The following KCNH5 variants were observed in gnomAD, a reference collection of about 807,000 sequenced individuals.
The protein encoded by KCNH5 is potassium voltage-gated channel subfamily H member 5.
A neutral mutation model predicts 96.1 loss-of-function variants in KCNH5; 46 were observed. That is an observed-to-expected ratio of 0.48 (90% confidence interval 0.38 to 0.61). KCNH5 has a LOEUF of 0.61. KCNH5 is among the 20% of genes least tolerant of loss of function. The pLI is 0.00. For missense variants in KCNH5, 907 were observed against 1,225.8 expected, an observed-to-expected ratio of 0.74 and a Z score of 3.88; for synonymous variants, 439 against 449.8, an observed-to-expected ratio of 0.98 and a Z score of 0.30.
intron 8 of KCNH5, among the ~76,000 whole-genome samples, chr14:62,816,009 T>A (rs1886970354): frequency 2.0e-5 from 3 of 151,912 alleles, no homozygotes; most frequent in Admixed American, 2.0e-4. Context: ...TGAGAGTTGA[T>A]GATATAAAAG....
At chr14:63,023,393 T>A (rs1891466110) in intron 1 of KCNH5, among the ~76,000 whole-genome samples, 1 of 152,130 alleles carries the variant, frequency 6.6e-6, no homozygotes, top group South Asian at 2.1e-4. Context: ...TTTGCAGGGT[T>A]CTCTTTTTAT....
At chr14:62,849,191 G>A (rs975783582) in intron 8 of KCNH5, among the ~76,000 whole-genome samples, 2 of 152,140 alleles carry the variant, frequency 1.3e-5, no homozygotes, top group Non-Finnish European at 2.9e-5. Context: ...TAAAACATAT[G>A]AGACAGGAGA....
intron 10 of KCNH5, among the ~76,000 whole-genome samples, chr14:62,770,200 G>C (rs1021294074): frequency 2.0e-5 from 3 of 152,198 alleles, no homozygotes; most frequent in Non-Finnish European, 4.4e-5. Context: ...GATGCAATCT[G>C]CGACACATGT....
chr14:62,971,730 A>T (rs1440519187), intron 6 of KCNH5, among the ~76,000 whole-genome samples: 1 of 152,146 alleles, frequency 6.6e-6, no homozygotes, highest in East Asian at 1.9e-4. Context: ...TCTTAGACAA[A>T]GGCAAAAAGG....
At chr14:62,945,422 A>C (rs917090327) in intron 7 of KCNH5, among the ~76,000 whole-genome samples, 3 of 152,152 alleles carry the variant, frequency 2.0e-5, no homozygotes, top group African/African-American at 7.2e-5. Flanking sequence ...GGATGGATTC[A>C]AGGACAGAAG....
chr14:62,828,123 A>G (rs1262976300), intron 8 of KCNH5, among the ~76,000 whole-genome samples: 1 of 151,840 alleles, frequency 6.6e-6, no homozygotes, highest in Non-Finnish European at 1.5e-5. Context: ...ATCAGCCCCT[A>G]TATTTCTATT....
chr14:62,890,693 C>T (rs1306832687), intron 7 of KCNH5, among the ~76,000 whole-genome samples: 34 of 117,856 alleles, frequency 2.9e-4, no homozygotes, highest in Admixed American at 1.1e-3. Flanking sequence ...AGCGAGACTC[C>T]GTCTCAAAAA....
Position 62,851,929 on chromosome 14 carries a change from C to T in KCNH5, c.1370-2077G>A, listed in dbSNP as rs188908185. ...ATGTACACACAAAATATATTCTGCTCATATAAAAGTTTAAGATAAAATATG... is the reference window on the plus strand; with the variant it reads ...ATGTACACACAAAATATATTCTGCTTATATAAAAGTTTAAGATAAAATATG... On this transcript the variant is annotated intron_variant, in intron 7 of 10. Coordinates refer to ENST00000322893, the MANE Select transcript of KCNH5 (RefSeq NM_139318.5). Among the ~76,000 whole-genome samples, 107 of 152,160 alleles carry T rather than the reference C, an allele frequency of 7.0e-4. 1 individual carries two copies. The highest frequency in any genetic ancestry group is 5.1e-3 in the Admixed American group (78 of 15,304).
intron 6 of KCNH5, among the ~76,000 whole-genome samples, chr14:62,952,400 T>C (rs1890024324): frequency 6.6e-6 from 1 of 152,124 alleles, no homozygotes; most frequent in African/African-American, 2.4e-5. Flanking sequence ...CAACAAGTAA[T>C]ACAAAAATAA....
At chr14:62,709,376 T>C in intron 10 of KCNH5, among the ~76,000 whole-genome samples, 1 of 152,170 alleles carries the variant, frequency 6.6e-6, no homozygotes, top group East Asian at 1.9e-4. Flanking sequence ...AATTGATTTA[T>C]GCGACCCTAG....
At chr14:62,988,773 A>G (rs921887872) in intron 4 of KCNH5, among the ~76,000 whole-genome samples, 5 of 152,224 alleles carry the variant, frequency 3.3e-5, no homozygotes, top group African/African-American at 1.2e-4. Context: ...TGCAATCTCT[A>G]TGACAAATTG....
rs1029718662 is a variant in KCNH5, at chr14:62,864,094, A to T, written c.1370-14242T>A. Among the ~76,000 whole-genome samples the T allele has an allele frequency of 2.0e-5, 3 of 152,156 alleles. No homozygotes were observed. The South Asian group carries it at 6.2e-4, about 31-fold the overall frequency. ...ACCAAGAGGCAAAATTCCTAGAAAC[A>T]TGACTAAGGGGATGCTTACAAAATG... On this transcript the variant is annotated intron_variant, in intron 7 of 10. Transcript: ENST00000322893.
intron 7 of KCNH5, among the ~76,000 whole-genome samples, chr14:62,920,837 A>G (rs1889368221): frequency 6.6e-6 from 1 of 152,204 alleles, no homozygotes; most frequent in Non-Finnish European, 1.5e-5. Context: ...AGAGATATAC[A>G]TATTACCAAA....
intron 7 of KCNH5, among the ~76,000 whole-genome samples, chr14:62,938,981 C>T (rs1889737033): frequency 6.6e-6 from 1 of 152,176 alleles, no homozygotes; most frequent in Non-Finnish European, 1.5e-5. Context: ...AAAATTACTG[C>T]ATCAGCATAA....
chr14:62,901,209 T>C (rs961332856), intron 7 of KCNH5, among the ~76,000 whole-genome samples: 5 of 152,318 alleles, frequency 3.3e-5, no homozygotes, highest in Admixed American at 2.0e-4. Context: ...GTTTTTTATT[T>C]ATTTTCATTT....
At chr14:62,910,839 T>G (rs1889135108) in intron 7 of KCNH5, among the ~76,000 whole-genome samples, 1 of 150,832 alleles carries the variant, frequency 6.6e-6, no homozygotes, top group African/African-American at 2.4e-5. Flanking sequence ...TTTCCCTGAT[T>G]CAAATGTTAC....
At position 62,984,277 on chromosome 14, in the gene KCNH5, C is replaced by T. The variant is rs116127682; in HGVS notation, c.549+2795G>A. Among the ~76,000 whole-genome samples the T allele has an allele frequency of 5.4e-3, 814 of 152,112 alleles. 7 individuals carry two copies. Among genetic ancestry groups the T allele is most frequent in the African/African-American group, 0.018 (742 of 41,494 alleles). On this transcript the variant is annotated intron_variant, in intron 5 of 10. Coordinates refer to ENST00000322893, the MANE Select transcript of KCNH5 (RefSeq NM_139318.5). ...AGGCCCACTGACTGATGTGGCAGGG[C>T]GTATATATTTATCTCTACCCAACAT...
intron 7 of KCNH5, among the ~76,000 whole-genome samples, chr14:62,914,726 C>T (rs1424722470): frequency 6.6e-6 from 1 of 152,172 alleles, no homozygotes; most frequent in East Asian, 1.9e-4. Context: ...TCACTGGTAC[C>T]ATGATCTTGG....
chr14:62,912,446 G>A (rs958400264), intron 7 of KCNH5, among the ~76,000 whole-genome samples: 17 of 146,552 alleles, frequency 1.2e-4, no homozygotes, highest in Admixed American at 4.8e-4. Context: ...CGCTTTTTTC[G>A]CCCTGGATGG....
Sources: gnomAD v4.1 joint callset for allele counts (sites outside exome capture counted in the v4.1 genomes callset) on GRCh38, gnomAD v4.1.1 for gene constraint, MANE v1.5 for transcripts, NCBI Gene and HGNC (gene_info 2026-07-23, HGNC 2026-07-21) for gene names.